The following DYM variants were observed in gnomAD, a reference collection of about 807,000 sequenced individuals.
DYM encodes dymeclin, also known as dyggve-Melchior-Clausen syndrome protein.
DYM carries 78 observed loss-of-function variants against 93.1 expected under a neutral mutation model. That is an observed-to-expected ratio of 0.84 (90% CI 0.70 to 1.01). The LOEUF (loss-of-function observed/expected upper bound fraction) is 1.01, where lower values mean the gene tolerates loss of function less well. Ranked by LOEUF, DYM falls within the 50% of genes least tolerant of loss-of-function variation. The pLI is 0.00. For missense variants in DYM, 789 were observed against 845.0 expected, an observed-to-expected ratio of 0.93 and a Z score of 0.82; for synonymous variants, 321 against 319.7, an observed-to-expected ratio of 1.00 and a Z score of -0.04.
intron 9 of DYM, among the ~76,000 whole-genome samples, chr18:49,286,211 T>C (rs1445651339): frequency 6.6e-6 from 1 of 152,176 alleles, no homozygotes; most frequent in East Asian, 1.9e-4. Context: ...TGGTTGGTTG[T>C]CCATGAAAGA....
chr18:49,279,175 T>C (rs2094913782), intron 10 of DYM, among the ~76,000 whole-genome samples: 1 of 152,194 alleles, frequency 6.6e-6, no homozygotes, highest in South Asian at 2.1e-4. Flanking sequence ...TTAACTTGTT[T>C]TGAGTTAAAA....
chr18:49,425,381 A>G (rs533489560), intron 2 of DYM, among the ~76,000 whole-genome samples: 1 of 152,322 alleles, frequency 6.6e-6, no homozygotes, highest in Non-Finnish European at 1.5e-5. Flanking sequence ...CACACCTCAT[A>G]CAAAAATTAA....
At chr18:49,451,492 G>C (rs893564269) in intron 1 of DYM, among the ~76,000 whole-genome samples, 2 of 152,164 alleles carry the variant, frequency 1.3e-5, no homozygotes, top group African/African-American at 4.8e-5. Context: ...CTTTCTAACA[G>C]GTCCAGGAGC....
chr18:49,097,874 G>GCTCTCTCTCTCTCTCT (rs61301668), intron 16 of DYM, among the ~76,000 whole-genome samples: 25 of 141,288 alleles, frequency 1.8e-4, no homozygotes, highest in African/African-American at 5.5e-4. Flanking sequence ...CTTAATATTA[G>GCTCTCTCTCTCTCTCT]CTCTCTCTCT....
At chr18:49,421,528 A>T (rs1489274930) in intron 2 of DYM, among the ~76,000 whole-genome samples, 1 of 152,224 alleles carries the variant, frequency 6.6e-6, no homozygotes, top group Non-Finnish European at 1.5e-5. Context: ...AAGATAGATA[A>T]AACCACAAAG....
At chr18:49,437,899 A>G (rs2080999896) in intron 1 of DYM, among the ~76,000 whole-genome samples, 1 of 152,222 alleles carries the variant, frequency 6.6e-6, no homozygotes. Flanking sequence ...GCTAGGATAG[A>G]CCACAAAATT....
intron 8 of DYM, among the ~76,000 whole-genome samples, chr18:49,305,064 C>T (rs112477089): frequency 1.3e-5 from 2 of 152,112 alleles, no homozygotes; most frequent in African/African-American, 2.4e-5. Context: ...GTTTTTGACC[C>T]GCTCTGTTAT....
At chr18:49,413,056 C>A (rs1217361920) in intron 2 of DYM, 1 of 152,168 alleles carries the variant, frequency 6.6e-6, no homozygotes, top group Non-Finnish European at 1.5e-5. Context: ...AAAATGTGAA[C>A]ATATAATCTG....
intron 14 of DYM, among the ~76,000 whole-genome samples, chr18:49,166,356 G>T (rs1193266007): frequency 6.6e-6 from 1 of 152,074 alleles, no homozygotes; most frequent in Non-Finnish European, 1.5e-5. Context: ...TGATATCAAA[G>T]GATATGGATA....
chr18:49,267,053 ACAAT>A (rs1414007444), intron 11 of DYM, among the ~76,000 whole-genome samples: 2 of 152,198 alleles, frequency 1.3e-5, no homozygotes, highest in African/African-American at 2.4e-5. Context: ...TGGAGGAAAA[ACAAT>A]CAATAGACTC....
intron 15 of DYM, among the ~76,000 whole-genome samples, chr18:49,130,519 T>C (rs916185662): frequency 3.9e-5 from 6 of 152,090 alleles, no homozygotes; most frequent in African/African-American, 1.4e-4. Flanking sequence ...CTATTGTGCA[T>C]TATTCTTTTG....
At position 49,038,341 on chromosome 18, in the gene DYM, TC is replaced by T. The variant is rs1195812303; in HGVS notation, c.*5713del. Among the ~76,000 whole-genome samples the T allele has an allele frequency of 6.6e-6, 1 of 152,220 alleles. No individual in the cohort carries two copies. The highest frequency in any genetic ancestry group is 6.5e-5 in the Admixed American group (1 of 15,286). On this transcript the variant is annotated 3_prime_UTR_variant, in exon 18 of 18. Transcript: ENST00000675505. Reference sequence around the variant, plus strand: ...GTTGCATATTTGTCTAAATTTCCTATCAAATTTTCTTTTACATATTTTGAGT... The same window carrying T: ...GTTGCATATTTGTCTAAATTTCCTATAAATTTTCTTTTACATATTTTGAGT...
chr18:49,420,809 A>AC (rs1241137902), intron 2 of DYM, among the ~76,000 whole-genome samples: 1 of 152,040 alleles, frequency 6.6e-6, no homozygotes, highest in Non-Finnish European at 1.5e-5. Flanking sequence ...GGTCACTCCC[A>AC]CCCTAATACT....
intron 17 of DYM, among the ~76,000 whole-genome samples, chr18:49,060,469 C>T (rs2075859071): frequency 6.6e-6 from 1 of 151,702 alleles, no homozygotes; most frequent in South Asian, 2.1e-4. Flanking sequence ...CTGTATATTT[C>T]CTACAAAGTG....
intron 2 of DYM, among the ~76,000 whole-genome samples, chr18:49,394,440 G>A (rs942773892): frequency 1.3e-5 from 2 of 152,050 alleles, no homozygotes; most frequent in African/African-American, 2.4e-5. Flanking sequence ...TTGCTTTGTA[G>A]TATATTTTGA....
chr18:49,270,981 G>T (rs1192015532), intron 11 of DYM, among the ~76,000 whole-genome samples: 2 of 151,932 alleles, frequency 1.3e-5, no homozygotes, highest in African/African-American at 4.8e-5. Context: ...TGGCCTGCAG[G>T]GACACAGTCC....
rs546584015 is a variant in DYM at position 49,094,276 on chromosome 18, C to G, written c.2025+3126G>C. 5.0e-4 allele frequency among the ~76,000 whole-genome samples: 76 copies of G among 152,294 alleles called. 2 individuals are homozygous for G. Among genetic ancestry groups the G allele is most frequent in the Non-Finnish European group, 8.8e-5 (6 of 68,020 alleles). On this transcript the variant is annotated intron_variant, in intron 17 of 17. Transcript: ENST00000675505. ...ATCTGGAAGAATTCTGACCCATCAC[C>G]ATGACATTCAAATTGCTCCACAGTA...
chr18:49,176,399 A>G (rs529074972), intron 14 of DYM, among the ~76,000 whole-genome samples: 1 of 152,006 alleles, frequency 6.6e-6, no homozygotes, highest in Non-Finnish European at 1.5e-5. Flanking sequence ...TTTTTAACAT[A>G]AGCACATTTT....
intron 14 of DYM, among the ~76,000 whole-genome samples, chr18:49,199,689 T>G (rs1476757903): frequency 6.6e-6 from 1 of 152,226 alleles, no homozygotes; most frequent in Non-Finnish European, 1.5e-5. Flanking sequence ...TACTATAGCT[T>G]CAAGTATTTA....
Sources: allele counts gnomAD v4.1 joint callset (sites outside exome capture counted in the v4.1 genomes callset), GRCh38; gene constraint gnomAD v4.1.1; transcripts MANE v1.5; gene names NCBI Gene and HGNC (gene_info 2026-07-23, HGNC 2026-07-21).